ST6GALNAC1: variants seen among roughly 807,000 people sequenced by gnomAD.
The protein encoded by ST6GALNAC1 is ST6 N-acetylgalactosaminide alpha-2,6-sialyltransferase 1.
A neutral mutation model predicts 56.8 loss-of-function variants in ST6GALNAC1; 45 were observed. The observed-to-expected ratio is 0.79, with a 90% CI of 0.62 to 1.02. The LOEUF (loss-of-function observed/expected upper bound fraction) is 1.02. Ranked by LOEUF, ST6GALNAC1 falls within the 50% of genes least tolerant of loss-of-function variation. The probability of loss-of-function intolerance (pLI) is 0.00; values close to 1 mark genes in which losing one functional copy is unlikely to be tolerated. For missense variants in ST6GALNAC1, 743 were observed against 754.8 expected, an observed-to-expected ratio of 0.98 and a Z score of 0.18; for synonymous variants, 295 against 297.8, an observed-to-expected ratio of 0.99 and a Z score of 0.10.
At chr17:76,641,522 T>G (rs2076047901) in intron 1 of ST6GALNAC1, among the ~76,000 whole-genome samples, 1 of 152,166 alleles carries the variant, frequency 6.6e-6, no homozygotes, top group African/African-American at 2.4e-5. Flanking sequence ...AATACATCAG[T>G]GATCTGAGAA....
Position 76,626,846 on chromosome 17 carries a change from A to G in ST6GALNAC1, c.1173-57T>C, listed in dbSNP as rs748635307. ...GTGAGCAGAGGAGGGAGATTTGTGT[A>G]GGTGGATGGGGAAAGGAAGGAGAAA... is the stretch of plus-strand genomic sequence containing the variant. On this transcript the variant is annotated intron_variant, in intron 4 of 8. Coordinates refer to ENST00000156626, the MANE Select transcript of ST6GALNAC1 (RefSeq NM_018414.5). 1,040 of 1,599,000 alleles carry G rather than the reference A, an allele frequency of 6.5e-4. 3 individuals carry two copies. The highest frequency in any genetic ancestry group is 8.6e-4 in the Non-Finnish European group (1,002 of 1,167,584).
At chr17:76,630,180 C>T (rs1021269148) in intron 1 of ST6GALNAC1, among the ~76,000 whole-genome samples, 2 of 152,194 alleles carry the variant, frequency 1.3e-5, no homozygotes, top group Non-Finnish European at 2.9e-5. Context: ...TACTAAATGT[C>T]TATTCTGTGC....
At chr17:76,625,788 A>G in intron 8 of ST6GALNAC1, 31 bp downstream of exon 8, 4 of 1,482,340 alleles carry the variant, frequency 2.7e-6, no homozygotes, top group Non-Finnish European at 3.6e-6. Flanking sequence ...CTGTTTCTCC[A>G]GGTATTTCTG....
At chr17:76,630,273 G>A (rs141419471) in intron 1 of ST6GALNAC1, among the ~76,000 whole-genome samples, 5 of 152,086 alleles carry the variant, frequency 3.3e-5, no homozygotes, top group African/African-American at 4.8e-5. Context: ...ATTGTTATTC[G>A]AGGCAGGAAA....
intron 1 of ST6GALNAC1, 90 bp from the exon 2 acceptor site, chr17:76,629,801 G>A: frequency 1.4e-6 from 1 of 690,298 alleles, no homozygotes; most frequent in Non-Finnish European, 2.2e-6. Context: ...TTTTTTTTTT[G>A]AGACACAGTC....
rs766657367 is a variant in ST6GALNAC1 at position 76,629,190 on chromosome 17, C to G, written c.653G>C (p.Gly218Ala). ...GAVSTRTRQK[G>A]VTTAVIPPKE... Reference sequence around the variant, plus strand: ...AGGTGGGATGACTGCTGTGGTCACTCCTTTCTGTCTCGTCCTTGTTGACAC... The same window carrying G: ...AGGTGGGATGACTGCTGTGGTCACTGCTTTCTGTCTCGTCCTTGTTGACAC... The change falls in exon 2 of 9, where the codon GGA becomes GCA. Residue 218 changes from glycine (G) to alanine (A), a missense_variant. Coordinates refer to ENST00000156626, the MANE Select transcript of ST6GALNAC1 (RefSeq NM_018414.5). The G allele has an allele frequency of 1.2e-6, 2 of 1,614,122 alleles. No individual in the cohort carries two copies. Among genetic ancestry groups the G allele is most frequent in the Non-Finnish European group, 1.7e-6 (2 of 1,180,016 alleles).
At chr17:76,629,733 G>A (rs1361060059) in intron 1 of ST6GALNAC1, 22 bp from the exon 2 acceptor site, 2 of 1,564,498 alleles carry the variant, frequency 1.3e-6, no homozygotes. Flanking sequence ...GATAACCTTT[G>A]ATGAAGGCTG....
At chr17:76,619,577 C>A in the ST6GALNAC1 span, among the ~76,000 whole-genome samples, 1 of 152,196 alleles carries the variant, frequency 6.6e-6, no homozygotes, top group South Asian at 2.1e-4. Context: ...ACCTGTAATT[C>A]ATTGAAAGTG....
At chr17:76,641,055 G>T (rs555240823) in intron 1 of ST6GALNAC1, among the ~76,000 whole-genome samples, 1 of 152,320 alleles carries the variant, frequency 6.6e-6, no homozygotes, top group South Asian at 2.1e-4. Flanking sequence ...TGTCTCTGCA[G>T]CTGTGTAGCT....
At chr17:76,633,155 G>A (rs1318148971) in intron 1 of ST6GALNAC1, among the ~76,000 whole-genome samples, 2 of 152,072 alleles carry the variant, frequency 1.3e-5, no homozygotes, top group African/African-American at 4.8e-5. Context: ...GTTGCAGTGA[G>A]CTGAGATAGC....
chr17:76,626,274 G>A lies in ST6GALNAC1; in HGVS notation c.1415+15C>T, dbSNP rs1195456716. On this transcript the variant is annotated intron_variant, in intron 6 of 8. Transcript: ENST00000156626. ...TCAGCCTGGGATAAGGGGATGGCAG[G>A]AGGACAGTGGGTACCTGAACCAGAA... The A allele has an allele frequency of 1.2e-6, 2 of 1,612,846 alleles. No individual in the cohort carries two copies.
At chr17:76,643,431 C>T in intron 1 of ST6GALNAC1, 77 bp downstream of exon 1, 1 of 1,540,908 alleles carries the variant, frequency 6.5e-7, no homozygotes, top group Non-Finnish European at 8.8e-7. Flanking sequence ...CAGACTTCCC[C>T]AGTCCTCCCT....
At chr17:76,629,747 A>AT (rs778602938) in intron 1 of ST6GALNAC1, 36 bp from the exon 2 acceptor site, 5 of 1,340,498 alleles carry the variant, frequency 3.7e-6, no homozygotes, top group Non-Finnish European at 5.3e-6. Context: ...AAGGCTGAAG[A>AT]TTGTGGAAAC....
chr17:76,617,541 G>C, the ST6GALNAC1 span, among the ~76,000 whole-genome samples: 3 of 152,058 alleles, frequency 2.0e-5, no homozygotes, highest in African/African-American at 7.3e-5. Context: ...ATGGAATGGG[G>C]GTAAAATGTA....
intron 2 of ST6GALNAC1, 75 bp downstream of exon 2, chr17:76,628,936 AG>A: frequency 7.6e-7 from 1 of 1,316,478 alleles, no homozygotes; most frequent in Non-Finnish European, 1.0e-6. Context: ...AGGTGAGGAG[AG>A]GGTGGGCTGG....
chr17:76,621,343 C>T (rs1311647946), downstream of ST6GALNAC1, among the ~76,000 whole-genome samples: 1 of 151,532 alleles, frequency 6.6e-6, no homozygotes, highest in Non-Finnish European at 1.5e-5. Context: ...CCACCACGCC[C>T]AGCTAATTTT....
chr17:76,619,724 G>T, the ST6GALNAC1 span, among the ~76,000 whole-genome samples: 4 of 140,216 alleles, frequency 2.9e-5, no homozygotes, highest in Non-Finnish European at 4.5e-5. Flanking sequence ...TTATAAATTA[G>T]ATTTTAATAA....
rs149282219 is a variant in ST6GALNAC1 at position 76,641,295 on chromosome 17, TTAATAA to T, written c.131+2207_131+2212del. 1.8e-4 allele frequency among the ~76,000 whole-genome samples: 28 copies of T among 152,292 alleles called. No homozygotes were observed. The East Asian group carries it at 4.4e-3, about 24-fold the overall frequency. ...GTTAATGTGACTGGGCCAGTGCACC[TTAATAA>T]TGATAATAAATCCTCCTCAACCCTT... is the stretch of plus-strand genomic sequence containing the variant. On this transcript the variant is annotated intron_variant, in intron 1 of 8. Coordinates refer to ENST00000156626, the MANE Select transcript of ST6GALNAC1 (RefSeq NM_018414.5).
chr17:76,643,407 A>T, intron 1 of ST6GALNAC1, 101 bp downstream of exon 1: 5 of 1,298,756 alleles, frequency 3.8e-6, no homozygotes, highest in Non-Finnish European at 3.2e-6. Flanking sequence ...TCCCATGTGG[A>T]CACACAGGTG....
Sources: gnomAD v4.1 joint callset for allele counts (sites outside exome capture counted in the v4.1 genomes callset) on GRCh38, gnomAD v4.1.1 for gene constraint, MANE v1.5 for transcripts, NCBI Gene and HGNC (gene_info 2026-07-23, HGNC 2026-07-21) for gene names.